The following WDR4 variants were observed in gnomAD, a reference collection of about 807,000 sequenced individuals.
The protein encoded by WDR4 is WDR4 tRNA N7-guanosine methyltransferase non-catalytic subunit.
Under a neutral mutation model 48.6 loss-of-function variants are expected in WDR4, and 47 were observed. That is an observed-to-expected ratio of 0.97 (90% CI 0.77 to 1.23). The LOEUF is 1.23. WDR4 is among the 50% of genes most tolerant of loss of function. The probability of loss-of-function intolerance (pLI) is 0.00; values close to 1 mark genes in which losing one functional copy is unlikely to be tolerated. For missense variants in WDR4, 606 were observed against 551.6 expected (o/e 1.10, Z -0.99); for synonymous variants, 268 against 230.0 (o/e 1.17, Z -1.49).
chr21:42,868,011 G>A (rs907490772), intron 3 of WDR4, among the ~76,000 whole-genome samples: 6 of 152,102 alleles, frequency 3.9e-5, no homozygotes, highest in Non-Finnish European at 7.4e-5. Flanking sequence ...AGCCTGCAGC[G>A]GTATCTGCAT....
downstream of WDR4, among the ~76,000 whole-genome samples, chr21:42,848,473 C>CGT: frequency 1.4e-5 from 1 of 71,032 alleles, no homozygotes; most frequent in Non-Finnish European, 2.8e-5. Flanking sequence ...GATCACGCGG[C>CGT]GCACACCTCA....
intron 7 of WDR4, 27 bp downstream of exon 7, chr21:42,855,655 C>T (rs372844509): frequency 6.1e-5 from 91 of 1,502,842 alleles, no homozygotes; most frequent in Middle Eastern, 3.4e-4. Flanking sequence ...AGCACTCAGT[C>T]GCCCAGGAGT....
At chr21:42,845,186 T>G (rs1216843250), downstream of WDR4, among the ~76,000 whole-genome samples, 2 of 152,096 alleles carry the variant, frequency 1.3e-5, no homozygotes, top group African/African-American at 4.8e-5. Context: ...GAGAGGGAAG[T>G]CAGCAAAGTA....
intron 5 of WDR4, among the ~76,000 whole-genome samples, chr21:42,861,163 A>T (rs2058105406): frequency 6.6e-6 from 1 of 151,920 alleles, no homozygotes; most frequent in Admixed American, 6.6e-5. Context: ...TACAAAAAAA[A>T]ATTAGCCGGG....
the WDR4 span, among the ~76,000 whole-genome samples, chr21:42,887,435 GGAC>G: frequency 1.3e-5 from 2 of 151,866 alleles, no homozygotes; most frequent in Admixed American, 6.6e-5. Flanking sequence ...CACCACATCT[GGAC>G]CCAGCCTCTA....
chr21:42,843,617 A>C (rs768434965), intron 11 of WDR4, among the ~76,000 whole-genome samples: 3 of 151,418 alleles, frequency 2.0e-5, no homozygotes, highest in Non-Finnish European at 2.9e-5. Flanking sequence ...TCTGTCGCCC[A>C]GGCTGGAGTA....
the WDR4 span, among the ~76,000 whole-genome samples, chr21:42,892,024 C>T: frequency 0.13 from 19,730 of 150,398 alleles, 1,304 homozygotes; most frequent in East Asian, 0.24. Context: ...GAGGCCGAGA[C>T]GGGTGGATCA....
chr21:42,859,647 G>C lies in WDR4; in HGVS notation c.627+15C>G, dbSNP rs377600180. 6.0e-4 allele frequency: 881 copies of C among 1,472,620 alleles called. No individual in the cohort carries two copies. The highest frequency in any genetic ancestry group is 7.3e-4 in the Non-Finnish European group (797 of 1,097,706). 91.2% of individuals were successfully genotyped at this position (1,472,620 alleles called of 1,614,324 possible). A position where few individuals can be genotyped will look rare whatever the true frequency, so the allele number is the denominator to read the frequency against. ...CAAGAATCCAGAGGTGAGTGACGCT[G>C]GGCAGAACACTTACCCCAGAGGAGG... is the stretch of plus-strand genomic sequence containing the variant. On this transcript the variant is annotated intron_variant, in intron 6 of 10. Coordinates refer to ENST00000398208, the MANE Select transcript of WDR4 (RefSeq NM_018669.6).
chr21:42,892,698 T>C, the WDR4 span, among the ~76,000 whole-genome samples: 2 of 152,210 alleles, frequency 1.3e-5, no homozygotes, highest in Non-Finnish European at 2.9e-5. Flanking sequence ...ACGAACTCTT[T>C]GCTAAATAAA....
At position 42,850,061 on chromosome 21, in the gene WDR4, C is replaced by T. The variant is rs1177518860; in HGVS notation, c.1227G>A (p.Thr409=). 3.7e-6 allele frequency: 6 copies of T among 1,613,806 alleles called. No homozygotes were observed. The highest frequency in any genetic ancestry group is 4.2e-6 in the Non-Finnish European group (5 of 1,179,914). ...HAKKMRPGEA[T]LSC ...CTGACCGCCACGATCAGCAACTTAG[C>T]GTCGCCTCCCCCGGTCTCATCTTCT... The change falls in exon 11 of 11, where the codon ACG becomes ACA. Residue 409 remains threonine (T), a synonymous_variant. Coordinates refer to ENST00000398208, the MANE Select transcript of WDR4 (RefSeq NM_018669.6).
At chr21:42,846,325 T>G (rs911386394), downstream of WDR4, among the ~76,000 whole-genome samples, 1 of 152,176 alleles carries the variant, frequency 6.6e-6, no homozygotes, top group African/African-American at 2.4e-5. Context: ...TGGATGAGCC[T>G]CACAGAGAGT....
intron 2 of WDR4, among the ~76,000 whole-genome samples, chr21:42,874,042 A>G (rs1450359080): frequency 6.6e-6 from 1 of 152,190 alleles, no homozygotes; most frequent in East Asian, 1.9e-4. Flanking sequence ...CAGGCCAGGT[A>G]TGGTAGCTCA....
downstream of WDR4, among the ~76,000 whole-genome samples, chr21:42,846,330 G>C (rs182315544): frequency 2.0e-5 from 3 of 152,238 alleles, no homozygotes; most frequent in East Asian, 3.9e-4. Flanking sequence ...GAGCCTCACA[G>C]AGAGTGGAGC....
At chr21:42,863,886 C>G (rs1183589997) in intron 3 of WDR4, among the ~76,000 whole-genome samples, 4 of 140,582 alleles carry the variant, frequency 2.8e-5, no homozygotes, top group Non-Finnish European at 6.1e-5. Flanking sequence ...GTGGGTGGAT[C>G]ACAAGGTCAG....
chr21:42,890,523 G>A, the WDR4 span, among the ~76,000 whole-genome samples: 5 of 152,178 alleles, frequency 3.3e-5, no homozygotes, highest in South Asian at 4.1e-4. Flanking sequence ...GCAGCAGAGC[G>A]AGACTCCGTC....
At chr21:42,860,129 T>TGGGGGAGACTCAAAGACAC (rs992699729) in intron 5 of WDR4, among the ~76,000 whole-genome samples, 4 of 151,932 alleles carry the variant, frequency 2.6e-5, no homozygotes, top group South Asian at 4.2e-4. Context: ...AAAGGAGCCT[T>TGGGGGAGACTCAAAGACAC]GGGGGAGACT....
intron 3 of WDR4, among the ~76,000 whole-genome samples, chr21:42,869,218 C>T (rs1193593535): frequency 1.3e-5 from 2 of 152,126 alleles, no homozygotes; most frequent in Non-Finnish European, 2.9e-5. Context: ...CGGACCAAAA[C>T]CAAAGGATAA....
intron 3 of WDR4, among the ~76,000 whole-genome samples, chr21:42,870,941 A>C (rs1056362299): frequency 1.3e-5 from 2 of 152,218 alleles, no homozygotes; most frequent in African/African-American, 4.8e-5. Context: ...TTATGTGCTT[A>C]ACTGAATCCT....
chr21:42,851,025 G>A (rs771254255), intron 10 of WDR4, among the ~76,000 whole-genome samples: 9 of 152,302 alleles, frequency 5.9e-5, no homozygotes, highest in Admixed American at 1.3e-4. Flanking sequence ...CACTCTAGCA[G>A]CAGCCCTCCC....
Sources: gnomAD v4.1 joint callset for allele counts (sites outside exome capture counted in the v4.1 genomes callset) on GRCh38, gnomAD v4.1.1 for gene constraint, MANE v1.5 for transcripts, NCBI Gene and HGNC (gene_info 2026-07-23, HGNC 2026-07-21) for gene names.